Variants in NR3C2 observed in about 807,000 individuals in gnomAD.
NR3C2 encodes the protein mineralocorticoid receptor.
In NR3C2, 15 loss-of-function variants were observed where a neutral mutation model predicts 86.4. That is an observed-to-expected ratio of 0.17 (90% CI 0.12 to 0.27). The LOEUF (loss-of-function observed/expected upper bound fraction) is 0.27. Among genes scored for constraint, NR3C2 ranks in the 10% least tolerant of loss-of-function variants. The pLI is 1.00. For missense variants in NR3C2, 960 were observed against 1,195.6 expected (o/e 0.80, Z 2.91); for synonymous variants, 458 against 450.5 (o/e 1.02, Z -0.21).
intron 8 of NR3C2, among the ~76,000 whole-genome samples, chr4:148,107,706 T>C (rs1467273183): frequency 1.3e-5 from 2 of 152,162 alleles, no homozygotes; most frequent in African/African-American, 4.8e-5. Context: ...GGGACATGGA[T>C]GAAGCTGGAA....
intron 2 of NR3C2, among the ~76,000 whole-genome samples, chr4:148,398,231 C>T (rs72729992): frequency 0.11 from 16,137 of 152,194 alleles, 893 homozygotes; most frequent in Middle Eastern, 0.12. Context: ...ACCAGTAGGA[C>T]GTGATCATAT....
intron 6 of NR3C2, among the ~76,000 whole-genome samples, chr4:148,127,340 C>T (rs968088250): frequency 7.2e-5 from 11 of 152,138 alleles, no homozygotes; most frequent in Non-Finnish European, 1.0e-4. Flanking sequence ...TTTGCAATAT[C>T]GCTTTACAGA....
At chr4:148,357,578 G>A (rs1037876646) in intron 2 of NR3C2, among the ~76,000 whole-genome samples, 1 of 152,016 alleles carries the variant, frequency 6.6e-6, no homozygotes, top group Non-Finnish European at 1.5e-5. Context: ...ATACATTTCT[G>A]TGATATCGAA....
At chr4:148,162,067 A>G (rs7694064) in intron 4 of NR3C2, among the ~76,000 whole-genome samples, 112,912 of 152,072 alleles carry the variant, frequency 0.74, 41,976 homozygotes, top group African/African-American at 0.79. Flanking sequence ...GCTGTATGGG[A>G]ATCCACCTGG....
At chr4:148,321,018 G>A (rs1743551934) in intron 2 of NR3C2, among the ~76,000 whole-genome samples, 2 of 150,810 alleles carry the variant, frequency 1.3e-5, no homozygotes, top group Non-Finnish European at 3.0e-5. Flanking sequence ...GGCATTTAGT[G>A]CTATAAATCT....
chr4:148,428,035 A>G (rs1285531892), intron 2 of NR3C2, among the ~76,000 whole-genome samples: 1 of 152,222 alleles, frequency 6.6e-6, no homozygotes, highest in Non-Finnish European at 1.5e-5. Context: ...ATATATTCTA[A>G]TAGCAAAAGG....
chr4:148,398,420 TCCAAGTAG>T (rs1747971031), intron 2 of NR3C2, among the ~76,000 whole-genome samples: 1 of 152,196 alleles, frequency 6.6e-6, no homozygotes. Flanking sequence ...CCTTAAAGTA[TCCAAGTAG>T]ATATATAAAA....
chr4:148,322,227 A>C (rs1743644786), intron 2 of NR3C2, among the ~76,000 whole-genome samples: 1 of 149,652 alleles, frequency 6.7e-6, no homozygotes, highest in Non-Finnish European at 1.5e-5. Flanking sequence ...TCTGGCTTGT[A>C]GGGTTTCTGC....
At chr4:148,306,202 T>C (rs1742613328) in intron 2 of NR3C2, among the ~76,000 whole-genome samples, 1 of 152,228 alleles carries the variant, frequency 6.6e-6, no homozygotes. Flanking sequence ...ATAAATCAAC[T>C]AACTGCCTAA....
At chr4:148,443,024 G>A, upstream of NR3C2, 1 of 973,662 alleles carries the variant, frequency 1.0e-6, no homozygotes, top group Non-Finnish European at 1.2e-6. Context: ...GACTCTGGGT[G>A]GGCTTCACCC....
chr4:148,294,865 G>A (rs1425622225), intron 2 of NR3C2, among the ~76,000 whole-genome samples: 1 of 152,074 alleles, frequency 6.6e-6, no homozygotes, highest in Non-Finnish European at 1.5e-5. Context: ...GCACATGCTT[G>A]TTGTCCCAGC....
chr4:148,325,556 C>G (rs1743920718), intron 2 of NR3C2, among the ~76,000 whole-genome samples: 1 of 152,190 alleles, frequency 6.6e-6, no homozygotes, highest in Non-Finnish European at 1.5e-5. Flanking sequence ...TCTTAGTATT[C>G]TCTCCTGACA....
intron 5 of NR3C2, among the ~76,000 whole-genome samples, chr4:148,152,943 G>C (rs1163461334): frequency 2.0e-5 from 3 of 152,100 alleles, no homozygotes. Context: ...AACTTGCTTC[G>C]TCCCACCCAC....
intron 4 of NR3C2, among the ~76,000 whole-genome samples, chr4:148,194,389 G>A (rs557698579): frequency 1.3e-5 from 2 of 152,256 alleles, no homozygotes; most frequent in South Asian, 2.1e-4. Context: ...TGTGGGTAAT[G>A]TTATCACATA....
Position 148,191,629 on chromosome 4 carries a change from G to A in NR3C2, c.2014+3117C>T, listed in dbSNP as rs186952476. Among the ~76,000 whole-genome samples the A allele has an allele frequency of 4.0e-4, 61 of 152,204 alleles. No individual in the cohort carries two copies. In the East Asian group the frequency reaches 4.6e-3, roughly 12 times the overall value. The stretch of plus-strand genomic sequence containing the variant: ...CCTCAAGTACACCGATTATTCTTAC[G>A]TTTGGCTATTTAACTTAATCCCAGA... On this transcript the variant is annotated intron_variant, in intron 4 of 8. Coordinates refer to ENST00000358102, the MANE Select transcript of NR3C2 (RefSeq NM_000901.5).
intron 4 of NR3C2, among the ~76,000 whole-genome samples, chr4:148,178,961 C>A (rs138189490): frequency 0.023 from 3,176 of 135,566 alleles, 107 homozygotes; most frequent in East Asian, 0.079. Context: ...AAAAAAACAA[C>A]AAAACAAAAC....
chr4:148,363,413 A>G (rs2126319419), intron 2 of NR3C2, among the ~76,000 whole-genome samples: 1 of 151,532 alleles, frequency 6.6e-6, no homozygotes, highest in African/African-American at 2.4e-5. Context: ...AAATATATTT[A>G]TGTATCAAAG....
intron 2 of NR3C2, among the ~76,000 whole-genome samples, chr4:148,398,016 C>T (rs1014570279): frequency 6.6e-6 from 1 of 152,136 alleles, no homozygotes; most frequent in Admixed American, 6.5e-5. Flanking sequence ...CCTCCCATTC[C>T]TTGGCTTAAC....
chr4:148,116,755 G>C (rs148491354), intron 7 of NR3C2, among the ~76,000 whole-genome samples: 2 of 152,128 alleles, frequency 1.3e-5, no homozygotes, highest in African/African-American at 4.8e-5. Flanking sequence ...AGCTACTTGG[G>C]GGCTAATAAA....
Sources: gnomAD v4.1 joint callset for allele counts (sites outside exome capture counted in the v4.1 genomes callset) on GRCh38, gnomAD v4.1.1 for gene constraint, MANE v1.5 for transcripts, NCBI Gene and HGNC (gene_info 2026-07-23, HGNC 2026-07-21) for gene names.